The following PCDHGB3 variants were observed in gnomAD, a reference collection of about 807,000 sequenced individuals.
PCDHGB3 encodes protocadherin gamma-B3.
In PCDHGB3, 40 loss-of-function variants were observed where a neutral mutation model predicts 59.2. The observed-to-expected ratio is 0.68, with a 90% confidence interval of 0.52 to 0.88. The LOEUF is 0.88. Among genes scored for constraint, PCDHGB3 ranks in the 40% least tolerant of loss-of-function variants. The pLI is 0.00. For synonymous variants in PCDHGB3, 581 were observed against 503.6 expected, an observed-to-expected ratio of 1.15 and a Z score of -2.06; for missense variants, 1,309 against 1,187.9, an observed-to-expected ratio of 1.10 and a Z score of -1.50.
At chr5:141,374,428 T>A in intron 1 of PCDHGB3, 16 of 1,613,952 alleles carry the variant, frequency 9.9e-6, no homozygotes, top group Non-Finnish European at 1.4e-5. Context: ...ATAAACTGAA[T>A]CTTTATCCCG....
intron 2 of PCDHGB3, 79 bp downstream of exon 2, chr5:141,494,944 C>T: frequency 1.9e-6 from 3 of 1,609,850 alleles, no homozygotes; most frequent in Non-Finnish European, 2.5e-6. Context: ...TGGGGGAGGG[C>T]CCAGCATTTG....
At chr5:141,404,015 C>T in intron 1 of PCDHGB3, 1 of 1,613,622 alleles carries the variant, frequency 6.2e-7, no homozygotes. Context: ...TCTGTTTAGC[C>T]CAGTGAGAGA....
intron 1 of PCDHGB3, chr5:141,384,729 G>A: frequency 6.2e-7 from 1 of 1,614,122 alleles, no homozygotes; most frequent in Non-Finnish European, 8.5e-7. Context: ...TCCTGCTTAA[G>A]GCCAGCGAGC....
Position 141,371,296 on chromosome 5 carries a change from T to A in PCDHGB3, c.902T>A (p.Leu301His). 6.2e-7 allele frequency: 1 copy of A among 1,614,000 alleles called. No homozygotes were observed. Among genetic ancestry groups the A allele is most frequent in the Non-Finnish European group, 8.5e-7 (1 of 1,179,892 alleles). The change falls in exon 1 of 4, where the codon CTC becomes CAC. Residue 301 changes from leucine to histidine, a missense_variant. By Grantham distance (99) the Leu-to-His change is moderately conservative. Coordinates refer to ENST00000576222, the MANE Select transcript of PCDHGB3 (RefSeq NM_018924.5). ...AAGCTGGACAGTAAAACGGGGGAACTCACCACTATTGGAGAACTGGACTTT... is the reference window on the plus strand; with the variant it reads ...AAGCTGGACAGTAAAACGGGGGAACACACCACTATTGGAGAACTGGACTTT... ...LFKLDSKTGELTTIGELDFEE... is the reference protein window; with the variant it reads ...LFKLDSKTGEHTTIGELDFEE...
intron 1 of PCDHGB3, among the ~76,000 whole-genome samples, chr5:141,481,869 G>A (rs909237712): frequency 4.1e-5 from 6 of 146,780 alleles, no homozygotes; most frequent in East Asian, 2.0e-4. Flanking sequence ...AGCCGAGATC[G>A]CGCCACTGCA....
chr5:141,475,914 A>C (rs2099380300), intron 1 of PCDHGB3: 1 of 592,260 alleles, frequency 1.7e-6, no homozygotes, highest in African/African-American at 1.9e-5. Context: ...GCCAATGAAG[A>C]CGCTGGAGAT....
chr5:141,474,358 C>A (rs189724264), intron 1 of PCDHGB3, among the ~76,000 whole-genome samples: 30 of 152,290 alleles, frequency 2.0e-4, no homozygotes, highest in African/African-American at 6.5e-4. Context: ...AGTCATGTCT[C>A]AGTAGGTCTA....
Position 141,487,321 on chromosome 5 carries a change from T to C in PCDHGB3, c.2416-7486T>C. 1.2e-6 allele frequency: 2 copies of C among 1,614,198 alleles called. No individual in the cohort carries two copies. The highest frequency in any genetic ancestry group is 1.7e-6 in the Non-Finnish European group (2 of 1,180,040). Reference sequence around the variant, plus strand: ...TCGTGGCACTACTCTCTAAGTGTCTTCGTGGGGCAGCCTGTGGAGTCACAT... The same window carrying C: ...TCGTGGCACTACTCTCTAAGTGTCTCCGTGGGGCAGCCTGTGGAGTCACAT... On this transcript the variant is annotated intron_variant, in intron 1 of 3. Transcript: ENST00000576222. The surrounding 1 kb of genome is among the most constrained non-coding windows in gnomAD (Gnocchi z 5.0).
chr5:141,476,054 A>T lies in PCDHGB3; in HGVS notation c.2416-18753A>T. The T allele has an allele frequency of 3.3e-6, 5 of 1,504,982 alleles. No homozygotes were observed. The highest frequency in any genetic ancestry group is 4.4e-6 in the Non-Finnish European group (5 of 1,134,040). 93.2% of individuals were successfully genotyped at this position (1,504,982 alleles called of 1,614,324 possible). A position where few individuals can be genotyped will look rare whatever the true frequency, so the allele number is the denominator to read the frequency against. ...AGCGCCCAAGCGCTAACCCGCTGAA[A>T]GTTTCTCAGCGAAATCTCAGGGACG... On this transcript the variant is annotated intron_variant, in intron 1 of 3. Coordinates refer to ENST00000576222, the MANE Select transcript of PCDHGB3 (RefSeq NM_018924.5). The surrounding 1 kb of genome is among the most constrained non-coding windows in gnomAD (Gnocchi z 7.6).
At chr5:141,373,821 G>C (rs1268202879) in intron 1 of PCDHGB3, 1 of 364,140 alleles carries the variant, frequency 2.7e-6, no homozygotes, top group African/African-American at 2.1e-5. Flanking sequence ...TTCACAAAAC[G>C]ATGCAGTATT....
chr5:141,481,348 T>C (rs2099536105), intron 1 of PCDHGB3, among the ~76,000 whole-genome samples: 1 of 152,250 alleles, frequency 6.6e-6, no homozygotes, highest in Non-Finnish European at 1.5e-5. Flanking sequence ...TATTTAAACA[T>C]CTACAGCTGT....
chr5:141,380,878 G>C (rs1776818511), intron 1 of PCDHGB3, among the ~76,000 whole-genome samples: 1 of 152,198 alleles, frequency 6.6e-6, no homozygotes, highest in African/African-American at 2.4e-5. Flanking sequence ...CTCCAAACAT[G>C]AAAGTTTGTT....
chr5:141,402,209 T>A (rs2094239307), intron 1 of PCDHGB3, among the ~76,000 whole-genome samples: 1 of 152,084 alleles, frequency 6.6e-6, no homozygotes, highest in Non-Finnish European at 1.5e-5. Context: ...AATACAAAAA[T>A]TTAAAATAAA....
rs1288507078 is a variant in PCDHGB3 at position 141,476,171 on chromosome 5, G to A, written c.2416-18636G>A. On this transcript the variant is annotated intron_variant, in intron 1 of 3. Transcript: ENST00000576222. This position sits in a 1 kb window ranked among gnomAD's most constrained non-coding sequence, Gnocchi z 7.6. ...GGTAAGCACCGGGAGGGTAGTGGGA[G>A]TTTTGCTTCTGCTTGGTGCCTTGAA... The A allele has an allele frequency of 1.2e-6, 2 of 1,613,442 alleles. No individual in the cohort carries two copies. The highest frequency in any genetic ancestry group is 1.7e-6 in the Non-Finnish European group (2 of 1,179,978).
At chr5:141,389,649 G>A in intron 1 of PCDHGB3, 2 of 1,612,716 alleles carry the variant, frequency 1.2e-6, no homozygotes, top group Non-Finnish European at 1.7e-6. Context: ...GGTGACCAAG[G>A]TAGTGGCGGT....
intron 1 of PCDHGB3, chr5:141,410,014 G>C (rs1185262301): frequency 1.2e-6 from 2 of 1,613,296 alleles, no homozygotes. Context: ...ACGCCTGGCT[G>C]TCCTACCACG....
chr5:141,418,350 T>A, intron 1 of PCDHGB3: 1 of 1,614,002 alleles, frequency 6.2e-7, no homozygotes, highest in Non-Finnish European at 8.5e-7. Context: ...GATATTAGTA[T>A]GAATTCGCTG....
At chr5:141,494,729 C>A in intron 1 of PCDHGB3, 78 bp from the exon 2 acceptor site, 1 of 1,610,166 alleles carries the variant, frequency 6.2e-7, no homozygotes. Context: ...CCTTCTCTCC[C>A]GGCCCATCCC....
At chr5:141,374,945 A>T (rs779694385) in intron 1 of PCDHGB3, 1 of 1,614,034 alleles carries the variant, frequency 6.2e-7, no homozygotes, top group Non-Finnish European at 8.5e-7. Context: ...TACAGAAAAG[A>T]TCTCACAAAT....
Sources: allele counts gnomAD v4.1 joint callset (sites outside exome capture counted in the v4.1 genomes callset), GRCh38; gene constraint gnomAD v4.1.1; non-coding constraint Gnocchi (gnomAD v3.1); transcripts MANE v1.5; gene names NCBI Gene and HGNC (gene_info 2026-07-23, HGNC 2026-07-21).